The following SLCO3A1 variants were observed in gnomAD, a reference collection of about 807,000 sequenced individuals.
SLCO3A1 encodes the protein PGE1 transporter.
Under a neutral mutation model 63.1 loss-of-function variants are expected in SLCO3A1, and 27 were observed. The observed-to-expected ratio is 0.43, with a 90% CI of 0.32 to 0.59. SLCO3A1 has a LOEUF of 0.59. SLCO3A1 is among the 20% of genes least tolerant of loss of function. SLCO3A1 has a pLI of 0.09. For missense variants in SLCO3A1, 773 were observed against 945.8 expected (o/e 0.82, Z 2.40); for synonymous variants, 473 against 409.9 (o/e 1.15, Z -1.86).
chr15:92,136,664 C>A (rs568433232), intron 7 of SLCO3A1, among the ~76,000 whole-genome samples: 18 of 152,108 alleles, frequency 1.2e-4, no homozygotes, highest in Non-Finnish European at 2.1e-4. Context: ...ATTTTGAATA[C>A]ATTTATATGA....
In SLCO3A1 at chr15:91,950,970, G is replaced by A. The variant is rs1899977739; in HGVS notation, c.646+34512G>A. Among the ~76,000 whole-genome samples, 1 of 152,102 alleles carries A rather than the reference G, an allele frequency of 6.6e-6. No individual in the cohort carries two copies. The highest frequency in any genetic ancestry group is 6.5e-5 in the Admixed American group (1 of 15,280). The stretch of plus-strand genomic sequence containing the variant: ...ATTTGACAGGTGAGCTGAAGCTATT[G>A]TGTGTATTCTCTTAGTAAAGTCAGT... On this transcript the variant is annotated intron_variant, in intron 2 of 9. Transcript: ENST00000318445. This position sits in a 1 kb window ranked among gnomAD's most constrained non-coding sequence, Gnocchi z 4.4.
intron 2 of SLCO3A1, among the ~76,000 whole-genome samples, chr15:91,975,972 G>A (rs1860491724): frequency 6.6e-6 from 1 of 152,220 alleles, no homozygotes; most frequent in South Asian, 2.1e-4. Flanking sequence ...TGTATTGCTT[G>A]CAGCACCTCA....
At chr15:92,032,569 A>C (rs1393421576) in intron 2 of SLCO3A1, among the ~76,000 whole-genome samples, 1 of 152,156 alleles carries the variant, frequency 6.6e-6, no homozygotes, top group Non-Finnish European at 1.5e-5. Flanking sequence ...TTCAGATTTT[A>C]CTGTGCATGT....
chr15:92,006,428 G>T (rs1213401696), intron 2 of SLCO3A1, among the ~76,000 whole-genome samples: 1 of 152,184 alleles, frequency 6.6e-6, no homozygotes, highest in Admixed American at 6.5e-5. Context: ...AAGAGCACAG[G>T]TGCTTTTTGG....
intron 2 of SLCO3A1, among the ~76,000 whole-genome samples, chr15:92,003,383 A>G (rs547909961): frequency 6.6e-6 from 1 of 152,314 alleles, no homozygotes; most frequent in African/African-American, 2.4e-5. Context: ...GAGAAGATAC[A>G]CTATGGAGTA....
chr15:91,916,957 T>C lies in SLCO3A1; in HGVS notation c.646+499T>C, dbSNP rs993931419. On this transcript the variant is annotated intron_variant, in intron 2 of 9. Transcript: ENST00000318445. The surrounding 1 kb of genome is among the most constrained non-coding windows in gnomAD (Gnocchi z 6.2). ...CCGGTAATTTTTTCAATAATGGAAG[T>C]ATGCATGGGAATTGGGTATGTAGAG... Among the ~76,000 whole-genome samples the C allele has an allele frequency of 6.6e-6, 1 of 152,192 alleles. No homozygotes were observed. The highest frequency in any genetic ancestry group is 2.4e-5 in the African/African-American group (1 of 41,434).
rs1428632808 is a variant in SLCO3A1, at chr15:91,941,598, T to A, written c.646+25140T>A. ...CTCAGTAAGTAATCTTTTCTCTTCC[T>A]TCGTCTTGGAGGTTTTGAAGCTTCT... is the stretch of plus-strand genomic sequence containing the variant. On this transcript the variant is annotated intron_variant, in intron 2 of 9. Transcript: ENST00000318445. The surrounding 1 kb of genome is among the most constrained non-coding windows in gnomAD (Gnocchi z 4.4). The A allele has an allele frequency of 4.4e-6, 2 of 455,838 alleles. No homozygotes were observed. Among genetic ancestry groups the A allele is most frequent in the Non-Finnish European group, 8.8e-6 (2 of 226,728 alleles). The allele number at this position is 455,838 out of a possible 1,614,324, so 28.2% of individuals were successfully genotyped here.
chr15:91,928,961 C>T (rs1597129945), intron 2 of SLCO3A1, among the ~76,000 whole-genome samples: 1 of 151,980 alleles, frequency 6.6e-6, no homozygotes, highest in Non-Finnish European at 1.5e-5. Context: ...CTTTTCTGAG[C>T]GAGTCAGGAG....
chr15:91,965,786 G>A (rs888841388), intron 2 of SLCO3A1, among the ~76,000 whole-genome samples: 2 of 151,810 alleles, frequency 1.3e-5, no homozygotes, highest in Non-Finnish European at 2.9e-5. Flanking sequence ...GTGTGGGTGT[G>A]CACACCTGCT....
At chr15:91,888,742 GA>G (rs1325421193) in intron 1 of SLCO3A1, among the ~76,000 whole-genome samples, 2 of 152,056 alleles carry the variant, frequency 1.3e-5, no homozygotes, top group African/African-American at 4.8e-5. Context: ...TAGTGCTTTG[GA>G]AGACAGAGAT....
At chr15:92,113,791 G>A (rs1218968153) in intron 4 of SLCO3A1, among the ~76,000 whole-genome samples, 3 of 152,168 alleles carry the variant, frequency 2.0e-5, no homozygotes, top group South Asian at 2.1e-4. Flanking sequence ...CTACCCCTAC[G>A]CAAGGGAATG....
chr15:92,002,968 T>A (rs1200664035), intron 2 of SLCO3A1, among the ~76,000 whole-genome samples: 1 of 152,156 alleles, frequency 6.6e-6, no homozygotes, highest in Non-Finnish European at 1.5e-5. Context: ...ATCTGAACAG[T>A]AGAGATGAGG....
intron 2 of SLCO3A1, among the ~76,000 whole-genome samples, chr15:92,088,109 G>A (rs1420700411): frequency 1.3e-5 from 2 of 152,130 alleles, no homozygotes; most frequent in Non-Finnish European, 2.9e-5. Flanking sequence ...GCCACCAACT[G>A]GCCAGGTGAG....
At chr15:91,919,848 C>T (rs190097992) in intron 2 of SLCO3A1, among the ~76,000 whole-genome samples, 9 of 151,740 alleles carry the variant, frequency 5.9e-5, no homozygotes, top group African/African-American at 2.2e-4. Flanking sequence ...ACATGTTCAC[C>T]GTTTACAATT....
Position 92,072,201 on chromosome 15 carries a change from G to GTTTTT in SLCO3A1, c.647-22680_647-22679insTTTTT, listed in dbSNP as rs1567103625. On this transcript the variant is annotated intron_variant, in intron 2 of 9. Transcript: ENST00000318445. ...AAGCGTAACCACCATTCTTTTTTTT[G>GTTTTT]GTTTTTTTTTTTTTTCCTCACTGGC... is the stretch of plus-strand genomic sequence containing the variant. Among the ~76,000 whole-genome samples the GTTTTT allele has an allele frequency of 2.3e-5, 3 of 131,644 alleles. 1 individual carries two copies. Among genetic ancestry groups the GTTTTT allele is most frequent in the Admixed American group, 1.5e-4 (2 of 12,996 alleles). The allele number at this position is 131,644 out of a possible 152,430, so 86.4% of individuals were successfully genotyped here.
At chr15:92,062,922 G>T (rs931626039) in intron 2 of SLCO3A1, among the ~76,000 whole-genome samples, 3 of 152,220 alleles carry the variant, frequency 2.0e-5, no homozygotes, top group Non-Finnish European at 4.4e-5. Flanking sequence ...TAAGTCAGAA[G>T]GTACAGCTCT....
intron 4 of SLCO3A1, among the ~76,000 whole-genome samples, chr15:92,119,472 G>C (rs1166242761): frequency 6.6e-6 from 1 of 152,190 alleles, no homozygotes; most frequent in African/African-American, 2.4e-5. Context: ...GGACTGAGTG[G>C]GAGGCTTCTT....
chr15:91,853,712 TCGCGGCGGCGGC>T lies in SLCO3A1; in HGVS notation c.-196_-185del, dbSNP rs1255194296. 3.2e-6 allele frequency: 1 copy of T among 317,256 alleles called. No homozygotes were observed. The highest frequency in any genetic ancestry group is 2.5e-5 in the African/African-American group (1 of 39,772). The allele number at this position is 317,256 out of a possible 1,614,324, so 19.7% of individuals were successfully genotyped here. On this transcript the variant is annotated 5_prime_UTR_variant, in exon 1 of 10. It adds an upstream start codon to the 5' untranslated region. Transcript: ENST00000318445. Reference sequence around the variant, plus strand: ...GGGGAGGAGGAGGAGGAAGGGGCGATCGCGGCGGCGGCGGCGGCGGCGAGGAGCTGTGCCTTC... The same window carrying T: ...GGGGAGGAGGAGGAGGAAGGGGCGATGGCGGCGGCGAGGAGCTGTGCCTTC...
At chr15:92,018,675 G>T (rs1173730372) in intron 2 of SLCO3A1, among the ~76,000 whole-genome samples, 1 of 152,168 alleles carries the variant, frequency 6.6e-6, no homozygotes, top group African/African-American at 2.4e-5. Context: ...GGCGTCCGTC[G>T]GGCCACCAGG....
Sources: gnomAD v4.1 joint callset for allele counts (sites outside exome capture counted in the v4.1 genomes callset) on GRCh38, gnomAD v4.1.1 for gene constraint, Gnocchi (gnomAD v3.1) non-coding constraint, MANE v1.5 for transcripts, NCBI Gene and HGNC (gene_info 2026-07-23, HGNC 2026-07-21) for gene names.